PDGFD: variants seen among roughly 807,000 people sequenced by gnomAD.
PDGFD encodes platelet-derived growth factor D.
In PDGFD, 30 loss-of-function variants were observed where a neutral mutation model predicts 44.7. The ratio of observed to expected loss-of-function variants is 0.67; its 90% confidence interval spans 0.50 to 0.91. PDGFD has a LOEUF of 0.91. PDGFD is among the 40% of genes least tolerant of loss of function. The probability of loss-of-function intolerance (pLI) is 0.00; values close to 1 mark genes in which losing one functional copy is unlikely to be tolerated. For synonymous variants in PDGFD, 173 were observed against 168.4 expected, an observed-to-expected ratio of 1.03 and a Z score of -0.21; for missense variants, 445 against 457.8, an observed-to-expected ratio of 0.97 and a Z score of 0.25.
chr11:104,045,242 G>A (rs1222676613), intron 1 of PDGFD, among the ~76,000 whole-genome samples: 1 of 152,100 alleles, frequency 6.6e-6, no homozygotes, highest in African/African-American at 2.4e-5. Flanking sequence ...AGTGTTGAAA[G>A]TAGAATGTCC....
chr11:103,957,866 T>C (rs1858880729), intron 3 of PDGFD, among the ~76,000 whole-genome samples: 1 of 152,134 alleles, frequency 6.6e-6, no homozygotes, highest in Non-Finnish European at 1.5e-5. Context: ...AATACTACTT[T>C]GTTAATAGCT....
chr11:104,016,715 C>G (rs979920805), intron 1 of PDGFD, among the ~76,000 whole-genome samples: 2 of 152,174 alleles, frequency 1.3e-5, no homozygotes, highest in African/African-American at 4.8e-5. Context: ...TGTACGAATG[C>G]TACTTTAACA....
At chr11:103,936,160 AGTT>A (rs1321989675) in intron 5 of PDGFD, among the ~76,000 whole-genome samples, 1 of 152,166 alleles carries the variant, frequency 6.6e-6, no homozygotes, top group East Asian at 1.9e-4. Flanking sequence ...AAGCAACACA[AGTT>A]ATTATTAATG....
At chr11:104,022,248 T>A (rs80272975) in intron 1 of PDGFD, among the ~76,000 whole-genome samples, 4,922 of 152,214 alleles carry the variant, frequency 0.032, 280 homozygotes, top group African/African-American at 0.11. Flanking sequence ...GAGTTTGTAT[T>A]TCACACTGTG....
intron 1 of PDGFD, among the ~76,000 whole-genome samples, chr11:104,071,071 C>T (rs1005522683): frequency 2.6e-5 from 4 of 151,870 alleles, no homozygotes; most frequent in African/African-American, 7.3e-5. Flanking sequence ...AAACAATATA[C>T]ATATTATTTT....
intron 1 of PDGFD, among the ~76,000 whole-genome samples, chr11:104,042,828 C>A (rs1489284014): frequency 6.6e-6 from 1 of 152,154 alleles, no homozygotes; most frequent in Non-Finnish European, 1.5e-5. Flanking sequence ...CAGGGCTTTA[C>A]TATAAAGATC....
chr11:104,099,984 T>C (rs953732970), intron 1 of PDGFD, among the ~76,000 whole-genome samples: 2 of 152,042 alleles, frequency 1.3e-5, no homozygotes, highest in African/African-American at 2.4e-5. Flanking sequence ...AATCCACAAA[T>C]TGGAACATAA....
intron 1 of PDGFD, among the ~76,000 whole-genome samples, chr11:104,090,696 A>G (rs900657148): frequency 8.5e-5 from 13 of 152,074 alleles, no homozygotes; most frequent in African/African-American, 3.1e-4. Context: ...TTGAAAAGAA[A>G]CAGGCAATAA....
At chr11:104,038,979 G>C (rs1268735024) in intron 1 of PDGFD, 1 of 167,046 alleles carries the variant, frequency 6.0e-6, no homozygotes, top group Non-Finnish European at 1.5e-5. Flanking sequence ...TTTTGAATGA[G>C]AAGATCTCTA....
At chr11:104,147,062 G>T (rs1172133825) in intron 1 of PDGFD, among the ~76,000 whole-genome samples, 1 of 151,078 alleles carries the variant, frequency 6.6e-6, no homozygotes, top group African/African-American at 2.4e-5. Flanking sequence ...AATGAAAAGT[G>T]CCCTCTGAAT....
chr11:103,970,890 G>C (rs2134344132), intron 3 of PDGFD, among the ~76,000 whole-genome samples: 1 of 152,164 alleles, frequency 6.6e-6, no homozygotes, highest in Non-Finnish European at 1.5e-5. Flanking sequence ...ATTGTAGAAT[G>C]GCCTCACAAT....
At chr11:104,049,353 G>C (rs1860490040) in intron 1 of PDGFD, among the ~76,000 whole-genome samples, 2 of 152,112 alleles carry the variant, frequency 1.3e-5, no homozygotes, top group Admixed American at 1.3e-4. Flanking sequence ...CTTAAAGCAG[G>C]AAGAAACTAA....
chr11:104,031,890 G>C (rs1860131517), intron 1 of PDGFD, among the ~76,000 whole-genome samples: 1 of 152,160 alleles, frequency 6.6e-6, no homozygotes, highest in Non-Finnish European at 1.5e-5. Context: ...AACTCATACA[G>C]GAACAGAAAG....
intron 1 of PDGFD, among the ~76,000 whole-genome samples, chr11:104,027,684 T>C (rs1049844374): frequency 2.6e-5 from 4 of 152,366 alleles, no homozygotes; most frequent in African/African-American, 4.8e-5. Flanking sequence ...CTTGTGTGTG[T>C]TTATGTGACT....
chr11:104,135,918 TC>T (rs111526160), intron 1 of PDGFD, among the ~76,000 whole-genome samples: 19,699 of 151,940 alleles, frequency 0.13, 1,379 homozygotes, highest in East Asian at 0.29. Flanking sequence ...ACACACCAGC[TC>T]CAAGAGCTTT....
chr11:104,000,003 C>G lies in PDGFD; in HGVS notation c.329+48G>C, dbSNP rs1244956096. 2.0e-6 allele frequency: 3 copies of G among 1,491,058 alleles called. No homozygotes were observed. In the Admixed American group the frequency reaches 5.2e-5, roughly 26 times the overall value. 92.4% of individuals were successfully genotyped at this position (1,491,058 alleles called of 1,614,324 possible). A position where few individuals can be genotyped will look rare whatever the true frequency, so the allele number is the denominator to read the frequency against. On this transcript the variant is annotated intron_variant, in intron 2 of 6. Transcript: ENST00000393158. ...TACGATGCTTTAAATTCATCTTTTT[C>G]TTTTTTCACCTTGAAATAGTACCGT...
chr11:104,155,183 T>G (rs895904931), intron 1 of PDGFD, among the ~76,000 whole-genome samples: 4 of 152,210 alleles, frequency 2.6e-5, no homozygotes, highest in African/African-American at 9.7e-5. Flanking sequence ...CTGTAGTAAA[T>G]GCTGTCAATT....
At chr11:104,022,617 A>C (rs1306149106) in intron 1 of PDGFD, among the ~76,000 whole-genome samples, 1 of 152,086 alleles carries the variant, frequency 6.6e-6, no homozygotes, top group Admixed American at 6.6e-5. Flanking sequence ...GTGATACAGT[A>C]TTTTGTCTCA....
At chr11:104,112,966 G>T (rs1861581725) in intron 1 of PDGFD, among the ~76,000 whole-genome samples, 1 of 151,972 alleles carries the variant, frequency 6.6e-6, no homozygotes, top group African/African-American at 2.4e-5. Flanking sequence ...AATCTGTACA[G>T]CAAACCTCCA....
Sources: allele counts gnomAD v4.1 joint callset (sites outside exome capture counted in the v4.1 genomes callset), GRCh38; gene constraint gnomAD v4.1.1; transcripts MANE v1.5; gene names NCBI Gene and HGNC (gene_info 2026-07-23, HGNC 2026-07-21).